The following CTNS variants were observed in gnomAD, a reference collection of about 807,000 sequenced individuals.
CTNS encodes the protein cystinosin.
A neutral mutation model predicts 43.7 loss-of-function variants in CTNS; 27 were observed. The ratio of observed to expected loss-of-function variants is 0.62; its 90% CI spans 0.46 to 0.85. CTNS has a LOEUF of 0.85. Among genes scored for constraint, CTNS ranks in the 40% least tolerant of loss-of-function variants. The pLI is 0.00. For synonymous variants in CTNS, 187 were observed against 190.6 expected (o/e 0.98, Z 0.16); for missense variants, 457 against 475.4 (o/e 0.96, Z 0.36).
intron 8 of CTNS, 22 bp downstream of exon 8, chr17:3,656,608 A>G (rs1023162876): frequency 6.2e-7 from 1 of 1,611,522 alleles, no homozygotes; most frequent in Non-Finnish European, 8.5e-7. Context: ...CCTGCCCTAC[A>G]TCTCTGCCCA....
rs1039750370 is a variant in CTNS, at chr17:3,662,667, C to T, written c.*2298C>T. ...AGAAAGCACACGCACCCCAGGGTCC[C>T]ACCCCAGTGCTCCCAGACACTCCCA... On this transcript the variant is annotated 3_prime_UTR_variant, in exon 12 of 12. Coordinates refer to ENST00000046640, the MANE Select transcript of CTNS (RefSeq NM_004937.3). 4.6e-5 allele frequency among the ~76,000 whole-genome samples: 7 copies of T among 152,212 alleles called. No individual in the cohort carries two copies. The highest frequency in any genetic ancestry group is 1.7e-4 in the African/African-American group (7 of 41,446).
intron 5 of CTNS, among the ~76,000 whole-genome samples, chr17:3,650,929 A>C (rs1323051878): frequency 2.6e-5 from 4 of 151,846 alleles, no homozygotes; most frequent in Non-Finnish European, 4.4e-5. Context: ...CAGCCTCCCA[A>C]GTAGCTGGGA....
chr17:3,651,700 C>A (rs693999), intron 5 of CTNS, among the ~76,000 whole-genome samples: 2 of 151,952 alleles, frequency 1.3e-5, no homozygotes, highest in Non-Finnish European at 2.9e-5. Context: ...GGCTGGGCAC[C>A]GTGGGATTAC....
intron 2 of CTNS, among the ~76,000 whole-genome samples, chr17:3,639,658 A>G (rs1303846334): frequency 8.2e-6 from 1 of 122,244 alleles, no homozygotes; most frequent in Non-Finnish European, 1.7e-5. Context: ...ACAGAGCAAG[A>G]CTCTGTCTCA....
intron 3 of CTNS, among the ~76,000 whole-genome samples, chr17:3,646,740 C>T (rs2075852190): frequency 1.3e-5 from 2 of 152,042 alleles, no homozygotes; most frequent in South Asian, 2.1e-4. Context: ...CCCAGCCCCA[C>T]GATGGTTTTC....
Position 3,660,479 on chromosome 17 carries a change from G to T in CTNS, c.*110G>T, listed in dbSNP as rs2076259215. 6.2e-7 allele frequency: 1 copy of T among 1,612,954 alleles called. No homozygotes were observed. Among genetic ancestry groups the T allele is most frequent in the African/African-American group, 1.3e-5 (1 of 75,072 alleles). On this transcript the variant is annotated 3_prime_UTR_variant, in exon 12 of 12. Transcript: ENST00000046640. ...GGCCCTGGCACACAGGGCTGGCTCA[G>T]TGTGCGGACAGAGGAGACCACTCTG...
intron 4 of CTNS, 101 bp downstream of exon 4, chr17:3,647,623 T>C: frequency 9.9e-7 from 1 of 1,011,744 alleles, no homozygotes; most frequent in Non-Finnish European, 1.5e-6. Context: ...AGATGCGCTA[T>C]TCTTGCCTCT....
chr17:3,660,410 C>T lies in CTNS; in HGVS notation c.*41C>T. 1 of 1,614,048 alleles carries T rather than the reference C, an allele frequency of 6.2e-7. No individual in the cohort carries two copies. The highest frequency in any genetic ancestry group is 8.5e-7 in the Non-Finnish European group (1 of 1,180,044). ...TGTACCCAGCCTCTGGCCTCGTGCC[C>T]TGCTGGGGAAGGCCTCACCCAGCGA... is the stretch of plus-strand genomic sequence containing the variant. On this transcript the variant is annotated 3_prime_UTR_variant, in exon 12 of 12. Transcript: ENST00000046640.
chr17:3,637,756 C>T lies in CTNS; in HGVS notation c.-20+440C>T, dbSNP rs372035288. Among the ~76,000 whole-genome samples, 23 of 152,244 alleles carry T rather than the reference C, an allele frequency of 1.5e-4. No individual in the cohort carries two copies. In the South Asian group the frequency reaches 4.8e-3, roughly 32 times the overall value. ...TGCTGGGATGACAGGCGTGAGCCAC[C>T]GCGCCCAGCCTACCCCCAGCCAATT... On this transcript the variant is annotated intron_variant, in intron 2 of 11. Coordinates refer to ENST00000046640, the MANE Select transcript of CTNS (RefSeq NM_004937.3).
rs764580012 is a variant in CTNS, at chr17:3,660,359, A to G, written c.1094A>G (p.Gln365Arg). 7 of 1,614,100 alleles carry G rather than the reference A, an allele frequency of 4.3e-6. No individual in the cohort carries two copies. The highest frequency in any genetic ancestry group is 5.9e-6 in the Non-Finnish European group (7 of 1,180,056). ...CLYRKRPGYDQLN is the reference protein window; with the variant it reads ...CLYRKRPGYDRLN ...TACAGAAAGAGACCGGGGTATGACC[A>G]GCTGAACTAGCACCCAGGGACCCAG... The change falls in exon 12 of 12, where the codon CAG becomes CGG. Residue 365 changes from glutamine (Q) to arginine (R), a missense_variant. Gln to Arg is a conservative substitution (Grantham distance 43). Coordinates refer to ENST00000046640, the MANE Select transcript of CTNS (RefSeq NM_004937.3).
chr17:3,655,171 C>G (rs781631821), intron 6 of CTNS, 50 bp from the exon 7 acceptor site: 8 of 1,614,068 alleles, frequency 5.0e-6, no homozygotes, highest in Middle Eastern at 3.3e-4. Context: ...GTGGGAGTCT[C>G]CTTCAGAAGC....
intron 2 of CTNS, among the ~76,000 whole-genome samples, chr17:3,638,240 T>A (rs7213235): frequency 1.6e-5 from 1 of 61,912 alleles, no homozygotes; most frequent in African/African-American, 3.6e-5. Flanking sequence ...TTTTTTTGTT[T>A]TTTTTTTTTA....
chr17:3,656,219 T>TG (rs1253689883), intron 7 of CTNS, among the ~76,000 whole-genome samples: 1 of 49,794 alleles, frequency 2.0e-5, no homozygotes, highest in African/African-American at 1.4e-4. Context: ...CCTTACCCAC[T>TG]GCCCTGCCCC....
intron 7 of CTNS, among the ~76,000 whole-genome samples, chr17:3,656,172 C>T (rs1396849752): frequency 9.7e-6 from 1 of 102,920 alleles, no homozygotes. Flanking sequence ...CCCCCGCCAG[C>T]CCTCACCCCC....
In CTNS at chr17:3,655,034, C is replaced by A. The variant is rs113875421; in HGVS notation, c.262C>A (p.Gln88Lys). The part of the protein sequence containing the change: ...VPPGVTNSSF[Q>K]VTSQNVGQLT... ...TCCTGGAGTGACAAACTCCTCTTTT[C>A]AAGTGACATCTCAAAATGTTGGACA... Residue 88 changes from glutamine to lysine, a missense_variant, in exon 6 of 12, where the codon CAA becomes AAA. Coordinates refer to ENST00000046640, the MANE Select transcript of CTNS (RefSeq NM_004937.3). The A allele has an allele frequency of 1.7e-5, 27 of 1,614,074 alleles. 1 individual carries two copies. In the African/African-American group the frequency reaches 2.7e-4, roughly 16 times the overall value.
intron 10 of CTNS, 89 bp downstream of exon 10, chr17:3,658,264 C>A (rs776216872): frequency 2.0e-6 from 3 of 1,538,378 alleles, no homozygotes; most frequent in Non-Finnish European, 2.7e-6. Flanking sequence ...CAGCTCCTGC[C>A]GGCGTGAGGA....
chr17:3,650,842 GC>G (rs1567704909), intron 5 of CTNS, among the ~76,000 whole-genome samples: 1 of 151,950 alleles, frequency 6.6e-6, no homozygotes, highest in Non-Finnish European at 1.5e-5. Context: ...TCACTCTGTC[GC>G]CCAGGTTGGA....
intron 5 of CTNS, chr17:3,650,603 G>C: frequency 3.6e-6 from 1 of 276,862 alleles, no homozygotes; most frequent in Non-Finnish European, 7.0e-6. Flanking sequence ...TGAGCACCTT[G>C]TTAGTGCCAT....
Position 3,655,065 on chromosome 17 carries a change from C to T in CTNS, c.293C>T (p.Thr98Ile). The change falls in exon 6 of 12, where the codon ACT becomes ATT. Residue 98 changes from threonine to isoleucine, a missense_variant. Transcript: ENST00000046640. Reference protein sequence around the residue: ...QVTSQNVGQLTVYLHGNHSNQ... With the variant: ...QVTSQNVGQLIVYLHGNHSNQ... ...ACATCTCAAAATGTTGGACAACTTA[C>T]TGTTTATCTACATGGAAATCACTCC... is the stretch of plus-strand genomic sequence containing the variant. The T allele has an allele frequency of 6.2e-7, 1 of 1,614,124 alleles. No homozygotes were observed. Among genetic ancestry groups the T allele is most frequent in the Non-Finnish European group, 8.5e-7 (1 of 1,179,962 alleles).
Sources: allele counts gnomAD v4.1 joint callset (sites outside exome capture counted in the v4.1 genomes callset), GRCh38; gene constraint gnomAD v4.1.1; transcripts MANE v1.5; gene names NCBI Gene and HGNC (gene_info 2026-07-23, HGNC 2026-07-21).